HYDIN: variants seen among roughly 807,000 people sequenced by gnomAD.
The protein encoded by HYDIN is axonemal central pair apparatus protein HYDIN.
In HYDIN, 132 loss-of-function variants were observed where a neutral mutation model predicts 403.9. The ratio of observed to expected loss-of-function variants is 0.33; its 90% CI spans 0.28 to 0.38. The LOEUF is 0.38. HYDIN is among the 10% of genes least tolerant of loss of function. HYDIN has a pLI of 1.00. For synonymous variants in HYDIN, 1,202 were observed against 1,891.7 expected (o/e 0.64, Z 9.46); for missense variants, 2,827 against 5,009.5 (o/e 0.56, Z 13.15).
chr16:70,981,846 C>G (rs2079054238), intron 28 of HYDIN, among the ~76,000 whole-genome samples: 1 of 151,766 alleles, frequency 6.6e-6, no homozygotes, highest in Non-Finnish European at 1.5e-5. Context: ...AAAAATGGTT[C>G]GGCCGGGCCT....
At chr16:70,889,925 T>C (rs368994493) in intron 57 of HYDIN, among the ~76,000 whole-genome samples, 132 of 152,302 alleles carry the variant, frequency 8.7e-4, no homozygotes, top group African/African-American at 3.0e-3. Flanking sequence ...TTATTAAATA[T>C]GATTTATAGG....
intron 10 of HYDIN, among the ~76,000 whole-genome samples, chr16:71,109,153 A>AGGTAAGTGGTAAGT (rs1316762651): frequency 2.0e-5 from 3 of 151,100 alleles, no homozygotes; most frequent in Admixed American, 2.0e-4. Context: ...CATCTTTGGG[A>AGGTAAGTGGTAAGT]GGCCACTTCT....
At chr16:71,204,933 T>C (rs987396577) in intron 1 of HYDIN, among the ~76,000 whole-genome samples, 1 of 151,592 alleles carries the variant, frequency 6.6e-6, no homozygotes, top group Non-Finnish European at 1.5e-5. Context: ...AAGCTATAGG[T>C]GAAAAAAAAA....
At chr16:70,866,106 GTGAGTGAA>G (rs1424133048) in intron 67 of HYDIN, 55 bp downstream of exon 67, 1 of 1,160,574 alleles carries the variant, frequency 8.6e-7, no homozygotes, top group Non-Finnish European at 1.3e-6. Context: ...TGATGAGTGA[GTGAGTGAA>G]TGATGGAATG....
chr16:71,067,496 C>T lies in HYDIN; in HGVS notation c.1975-106G>A, dbSNP rs565766124. On this transcript the variant is annotated intron_variant, in intron 14 of 85. Coordinates refer to ENST00000393567, the MANE Select transcript of HYDIN (RefSeq NM_001270974.2). ...CGCTGATCAGAGTGGTTTCTAAGTG[C>T]TTTATGGATATATAGCATTTTACAT... The T allele has an allele frequency of 1.8e-5, 11 of 603,256 alleles. No individual in the cohort carries two copies. In the East Asian group the frequency reaches 3.4e-4, roughly 18 times the overall value. The allele number at this position is 603,256 out of a possible 1,614,324, so 37.4% of individuals were successfully genotyped here. A position where few individuals can be genotyped will look rare whatever the true frequency, so the allele number is the denominator to read the frequency against.
chr16:70,883,012 A>G (rs2040906528), intron 59 of HYDIN, 117 bp from the exon 60 acceptor site: 1 of 778,544 alleles, frequency 1.3e-6, no homozygotes, highest in South Asian at 1.6e-5. Context: ...CACATAGGCG[A>G]AGTCATGCAA....
intron 1 of HYDIN, among the ~76,000 whole-genome samples, chr16:71,226,806 A>T (rs980661295): frequency 6.6e-6 from 1 of 152,168 alleles, no homozygotes. Flanking sequence ...CCGCATCCAG[A>T]CAGTGAGAGA....
At chr16:71,116,292 G>A (rs1335939958) in intron 9 of HYDIN, among the ~76,000 whole-genome samples, 1 of 125,358 alleles carries the variant, frequency 8.0e-6, no homozygotes, top group African/African-American at 3.1e-5. Context: ...TGTGGTATTT[G>A]TCTTTCTGTG....
At chr16:70,980,525 C>CTA (rs759584043) in intron 29 of HYDIN, among the ~76,000 whole-genome samples, 52 of 143,868 alleles carry the variant, frequency 3.6e-4, no homozygotes, top group South Asian at 2.2e-3. Flanking sequence ...AGGGTCTTGC[C>CTA]TATATATATA....
At chr16:70,834,756 G>A (rs1360527651) in intron 78 of HYDIN, among the ~76,000 whole-genome samples, 1 of 151,750 alleles carries the variant, frequency 6.6e-6, no homozygotes, top group Non-Finnish European at 1.5e-5. Context: ...GCTGAGGCAG[G>A]AGAATCACTT....
At chr16:70,940,872 C>A (rs1276015536) in intron 43 of HYDIN, among the ~76,000 whole-genome samples, 1 of 152,222 alleles carries the variant, frequency 6.6e-6, no homozygotes, top group Non-Finnish European at 1.5e-5. Context: ...GTGGCTGGAG[C>A]CGAAGCTCCT....
intron 7 of HYDIN, among the ~76,000 whole-genome samples, chr16:71,145,257 A>ATT (rs5817758): frequency 7.7e-5 from 11 of 142,694 alleles, no homozygotes; most frequent in African/African-American, 1.5e-4. Context: ...TGAATGATTA[A>ATT]TTTTTTTTTT....
At chr16:70,822,738 C>T (rs1292936534) in intron 83 of HYDIN, among the ~76,000 whole-genome samples, 1 of 152,204 alleles carries the variant, frequency 6.6e-6, no homozygotes, top group African/African-American at 2.4e-5. Context: ...AACATCGAGG[C>T]AAGACCCTCC....
chr16:71,165,430 C>G (rs1432164146), intron 5 of HYDIN, among the ~76,000 whole-genome samples: 1 of 151,604 alleles, frequency 6.6e-6, no homozygotes, highest in Non-Finnish European at 1.5e-5. Context: ...CCCTCTCCTG[C>G]CCCATCACTC....
At chr16:71,029,769 C>T (rs1485588809) in intron 19 of HYDIN, among the ~76,000 whole-genome samples, 2 of 151,102 alleles carry the variant, frequency 1.3e-5, no homozygotes, top group East Asian at 3.9e-4. Context: ...CAATCAAGTC[C>T]CATATTTTGT....
intron 38 of HYDIN, among the ~76,000 whole-genome samples, chr16:70,961,695 A>T (rs867371984): frequency 5.8e-4 from 89 of 152,176 alleles, no homozygotes; most frequent in Non-Finnish European, 2.5e-4. Flanking sequence ...AGCAGGAAAG[A>T]TTCAGGCCTT....
rs2035594698 is a variant in HYDIN at position 70,812,894 on chromosome 16, A to G, written c.14659-2887T>C. Among the ~76,000 whole-genome samples, 3 of 152,216 alleles carry G rather than the reference A, an allele frequency of 2.0e-5. No homozygotes were observed. In the South Asian group the frequency reaches 6.2e-4, roughly 32 times the overall value. On this transcript the variant is annotated intron_variant, in intron 84 of 85. Coordinates refer to ENST00000393567, the MANE Select transcript of HYDIN (RefSeq NM_001270974.2). ...GGCTGACCTGTGTGACCACTGGTAT[A>G]TGGCAGAAAAGATGGCATGTCACTT...
intron 45 of HYDIN, among the ~76,000 whole-genome samples, chr16:70,932,585 T>G (rs1459103102): frequency 6.6e-6 from 1 of 151,690 alleles, no homozygotes; most frequent in Non-Finnish European, 1.5e-5. Context: ...GGCTAAGAAG[T>G]GGGTTTTTTT....
chr16:71,126,376 T>C (rs1336569367), intron 9 of HYDIN, among the ~76,000 whole-genome samples: 2 of 151,942 alleles, frequency 1.3e-5, no homozygotes, highest in Non-Finnish European at 2.9e-5. Context: ...AGCAAAGGGA[T>C]CTCCACATAC....
Sources: gnomAD v4.1 joint callset for allele counts (sites outside exome capture counted in the v4.1 genomes callset) on GRCh38, gnomAD v4.1.1 for gene constraint, MANE v1.5 for transcripts, NCBI Gene and HGNC (gene_info 2026-07-23, HGNC 2026-07-21) for gene names.